The following NEMP1 variants were observed in gnomAD, a reference collection of about 807,000 sequenced individuals.
NEMP1 encodes the protein transmembrane protein 194.
NEMP1 carries 29 observed loss-of-function variants against 53.7 expected under a neutral mutation model. The observed-to-expected ratio is 0.54, with a 90% confidence interval of 0.40 to 0.74. The LOEUF is 0.74. Among genes scored for constraint, NEMP1 ranks in the 30% least tolerant of loss-of-function variants. The pLI, the probability that NEMP1 is intolerant of heterozygous loss-of-function variation, is 0.00. For synonymous variants in NEMP1, 193 were observed against 192.9 expected (o/e 1.00, Z 0.00); for missense variants, 477 against 528.6 (o/e 0.90, Z 0.96).
chr12:57,061,160 CA>C (rs1435052996), intron 7 of NEMP1, among the ~76,000 whole-genome samples: 3 of 149,582 alleles, frequency 2.0e-5, no homozygotes, highest in East Asian at 3.9e-4. Flanking sequence ...GACTCCATCT[CA>C]AAAAAAAAGT....
chr12:57,059,911 G>A lies in NEMP1; in HGVS notation c.1303C>T (p.Pro435Ser), dbSNP rs150116734. The change falls in exon 9 of 9, where the codon CCT (proline) becomes TCT (serine). Residue 435 changes from proline to serine, a missense_variant. By Grantham distance (74) the Pro-to-Ser change is moderately conservative. Transcript: ENST00000300128. Reference sequence around the variant, plus strand: ...AGAAAGTTGTTCTGTGTGATAGCAGGACACCGAGAATATGAGTCCTCCTCC... The same window carrying A: ...AGAAAGTTGTTCTGTGTGATAGCAGAACACCGAGAATATGAGTCCTCCTCC... Reference protein sequence around the residue: ...SEEEDSYSRCPAITQNNFLT With the variant: ...SEEEDSYSRCSAITQNNFLT The A allele has an allele frequency of 1.8e-3, 2,907 of 1,613,558 alleles. 3 individuals are homozygous for A. The highest frequency in any genetic ancestry group is 2.3e-3 in the Non-Finnish European group (2,742 of 1,179,840).
rs1473276292 is a variant in NEMP1, at chr12:57,057,063, T to C, written c.*2816A>G. The stretch of plus-strand genomic sequence containing the variant: ...TTGATCCCTGTGTTCTGTTGGTCTC[T>C]TGAAGCAATCTGAGTGGGAAAGGAA... On this transcript the variant is annotated 3_prime_UTR_variant, in exon 9 of 9. Coordinates refer to ENST00000300128, the MANE Select transcript of NEMP1 (RefSeq NM_001130963.2). 6.6e-6 allele frequency: 1 copy of C among 152,248 alleles called. No homozygotes were observed. Among genetic ancestry groups the C allele is most frequent in the Admixed American group, 6.5e-5 (1 of 15,288 alleles). 9.4% of individuals were successfully genotyped at this position (152,248 alleles called of 1,614,324 possible). A position where few individuals can be genotyped will look rare whatever the true frequency, so the allele number is the denominator to read the frequency against.
intron 2 of NEMP1, 77 bp downstream of exon 2, chr12:57,072,711 G>T: frequency 6.9e-7 from 1 of 1,456,338 alleles, no homozygotes; most frequent in Non-Finnish European, 9.3e-7. Context: ...TGAAGGGGAA[G>T]AAAGTGTCAA....
chr12:57,087,644 G>C (rs528732561), intron 1 of NEMP1, among the ~76,000 whole-genome samples: 1 of 152,168 alleles, frequency 6.6e-6, no homozygotes, highest in East Asian at 1.9e-4. Context: ...CCAACAACGC[G>C]CTCCTTCTCC....
intron 1 of NEMP1, among the ~76,000 whole-genome samples, chr12:57,084,225 G>C (rs2032929799): frequency 1.3e-5 from 2 of 152,188 alleles, no homozygotes; most frequent in Admixed American, 1.3e-4. Flanking sequence ...GCCTCCCAAA[G>C]TGCTGAGATT....
Position 57,063,208 on chromosome 12 carries a change from C to T in NEMP1, c.891G>A (p.Gln297=). Residue 297 remains glutamine (Q), a synonymous_variant, in exon 7 of 9, where the codon CAG becomes CAA. Transcript: ENST00000300128. ...MGLCFMYSGI[Q]IPHIALAIII... ...TAATGGCAAGGGCAATATGTGGTATCTGGATGCCAGAATACATGAAACACA... is the reference window on the plus strand; with the variant it reads ...TAATGGCAAGGGCAATATGTGGTATTTGGATGCCAGAATACATGAAACACA... The T allele has an allele frequency of 1.2e-6, 2 of 1,614,178 alleles. No individual in the cohort carries two copies. The highest frequency in any genetic ancestry group is 1.7e-6 in the Non-Finnish European group (2 of 1,180,032).
In NEMP1 at chr12:57,059,957, G is replaced by C. The variant is rs1433776342; in HGVS notation, c.1257C>G (p.Ile419Met). 2 of 1,613,694 alleles carry C rather than the reference G, an allele frequency of 1.2e-6. No homozygotes were observed. Among genetic ancestry groups the C allele is most frequent in the Non-Finnish European group, 1.7e-6 (2 of 1,179,916 alleles). The change falls in exon 9 of 9, where the codon ATC becomes ATG. Residue 419 changes from isoleucine (I) to methionine (M), a missense_variant. Physicochemically the swap from Ile to Met is conservative, Grantham distance 10. Transcript: ENST00000300128. ...GLGSIIAQDE[I>M]YEEASSEEED... The stretch of plus-strand genomic sequence containing the variant: ...CCTCCTCAGAGGATGCTTCCTCATA[G>C]ATTTCATCCTGGGCAATAATGCTCC...
chr12:57,067,986 G>C (rs2136497677), intron 4 of NEMP1, among the ~76,000 whole-genome samples: 1 of 152,114 alleles, frequency 6.6e-6, no homozygotes, highest in South Asian at 2.1e-4. Flanking sequence ...ACCTAGGCTG[G>C]TCTCAAACTC....
intron 1 of NEMP1, among the ~76,000 whole-genome samples, chr12:57,076,087 CA>C (rs780248856): frequency 1.2e-4 from 18 of 151,602 alleles, no homozygotes; most frequent in South Asian, 1.0e-3. Flanking sequence ...GACTCCATCT[CA>C]AAAAAATAAA....
At chr12:57,077,552 A>G (rs972868188) in intron 1 of NEMP1, among the ~76,000 whole-genome samples, 1 of 152,136 alleles carries the variant, frequency 6.6e-6, no homozygotes, top group African/African-American at 2.4e-5. Flanking sequence ...ACTTGGGAAA[A>G]TTATTGTACT....
chr12:57,061,607 CG>C (rs914161884), intron 7 of NEMP1, among the ~76,000 whole-genome samples: 28 of 150,308 alleles, frequency 1.9e-4, no homozygotes, highest in African/African-American at 6.3e-4. Flanking sequence ...GCAGGACAAT[CG>C]CTTGAACCAG....
At chr12:57,078,404 C>T (rs957196745) in intron 1 of NEMP1, among the ~76,000 whole-genome samples, 1 of 152,102 alleles carries the variant, frequency 6.6e-6, no homozygotes. Flanking sequence ...AGGCTCCTCC[C>T]CACTCTGGAA....
At chr12:57,077,400 A>C (rs1407872351) in intron 1 of NEMP1, among the ~76,000 whole-genome samples, 1 of 151,740 alleles carries the variant, frequency 6.6e-6, no homozygotes, top group Non-Finnish European at 1.5e-5. Flanking sequence ...CAGGAGGCTG[A>C]GGCAGGAGAA....
chr12:57,078,629 G>C lies in NEMP1; in HGVS notation c.117C>G (p.Val39=). The part of the protein sequence containing the change: ...RLLLILSGCL[V]YGTAETDVNV... ...CTGCCCGGGCGGTACCTGTGCCGTAGACCAAGCAGCCGGAGAGGATCAAGA... is the reference window on the plus strand; with the variant it reads ...CTGCCCGGGCGGTACCTGTGCCGTACACCAAGCAGCCGGAGAGGATCAAGA... Residue 39 remains valine (V), a synonymous_variant, in exon 1 of 9, where the codon GTC becomes GTG. Transcript: ENST00000300128. 1 of 1,612,280 alleles carries C rather than the reference G, an allele frequency of 6.2e-7. No homozygotes were observed. Among genetic ancestry groups the C allele is most frequent in the Non-Finnish European group, 8.5e-7 (1 of 1,179,202 alleles).
chr12:57,068,788 G>A (rs1055176929), intron 4 of NEMP1, among the ~76,000 whole-genome samples: 2 of 152,072 alleles, frequency 1.3e-5, no homozygotes, highest in South Asian at 2.1e-4. Context: ...GGATGGTCTC[G>A]ATCTCCTGAC....
intron 1 of NEMP1, among the ~76,000 whole-genome samples, chr12:57,074,825 C>T (rs1325244665): frequency 6.6e-6 from 1 of 152,208 alleles, no homozygotes; most frequent in African/African-American, 2.4e-5. Flanking sequence ...TGGTGGCTCA[C>T]ACCTGAAATC....
At position 57,070,704 on chromosome 12, in the gene NEMP1, C is replaced by T; in HGVS notation, c.442G>A (p.Asp148Asn). The T allele has an allele frequency of 6.4e-7, 1 of 1,556,558 alleles. No individual in the cohort carries two copies. Among genetic ancestry groups the T allele is most frequent in the Non-Finnish European group, 8.7e-7 (1 of 1,149,196 alleles). Residue 148 changes from aspartate (D) to asparagine (N), a missense_variant, in exon 3 of 9, where the codon GAC becomes AAC. Physicochemically the swap from Asp to Asn is conservative, Grantham distance 23 (BLOSUM62 1). Coordinates refer to ENST00000300128, the MANE Select transcript of NEMP1 (RefSeq NM_001130963.2). The part of the protein sequence containing the change: ...TCLKVEIIEK[D>N]TKYSVIVIRR... Reference sequence around the variant, plus strand: ...ATCACAATGACACTGTACTTGGTGTCCTTCTCTATAATCTCAACTTTGAGG... The same window carrying T: ...ATCACAATGACACTGTACTTGGTGTTCTTCTCTATAATCTCAACTTTGAGG...
intron 2 of NEMP1, among the ~76,000 whole-genome samples, chr12:57,071,108 T>C (rs951691946): frequency 1.3e-5 from 2 of 152,170 alleles, no homozygotes; most frequent in Non-Finnish European, 2.9e-5. Flanking sequence ...TTAGAATACC[T>C]TCTTGTTAAC....
intron 4 of NEMP1, among the ~76,000 whole-genome samples, chr12:57,065,708 C>A (rs2032039599): frequency 6.6e-6 from 1 of 151,718 alleles, no homozygotes; most frequent in Admixed American, 6.6e-5. Context: ...CCATGTTGCT[C>A]AGGCTGGTCT....
Sources: allele counts gnomAD v4.1 joint callset (sites outside exome capture counted in the v4.1 genomes callset), GRCh38; gene constraint gnomAD v4.1.1; transcripts MANE v1.5; gene names NCBI Gene and HGNC (gene_info 2026-07-23, HGNC 2026-07-21).